Variants in HSPA12A observed in about 807,000 individuals in gnomAD.
The protein encoded by HSPA12A is heat shock protein family A (Hsp70) member 12A.
In HSPA12A, 28 loss-of-function variants were observed where a neutral mutation model predicts 69.2. The observed-to-expected ratio is 0.40, with a 90% CI of 0.30 to 0.55. HSPA12A has a LOEUF of 0.55. Among genes scored for constraint, HSPA12A ranks in the 20% least tolerant of loss-of-function variants. The pLI is 0.38. For missense variants in HSPA12A, 686 were observed against 900.7 expected (o/e 0.76, Z 3.05); for synonymous variants, 345 against 370.5 (o/e 0.93, Z 0.79).
At chr10:116,771,706 C>T (rs896465915) in intron 2 of HSPA12A, among the ~76,000 whole-genome samples, 3 of 152,348 alleles carry the variant, frequency 2.0e-5, no homozygotes, top group Admixed American at 6.5e-5. Flanking sequence ...TGCAGTTTCT[C>T]TCTGCAGTGG....
chr10:116,695,543 G>C (rs551381569), intron 5 of HSPA12A, among the ~76,000 whole-genome samples: 13 of 152,098 alleles, frequency 8.5e-5, no homozygotes, highest in Middle Eastern at 6.8e-3. Flanking sequence ...TTGGCCGGGC[G>C]CGGTGGCTCA....
At chr10:116,831,313 T>C (rs986401381) in intron 2 of HSPA12A, 2 of 152,214 alleles carry the variant, frequency 1.3e-5, no homozygotes, top group Non-Finnish European at 2.9e-5. Flanking sequence ...GTGGAGGTGA[T>C]GACATGGGGT....
At position 116,707,124 on chromosome 10, in the gene HSPA12A, C is replaced by T. The variant is rs111687687; in HGVS notation, c.126+76G>A. On this transcript the variant is annotated intron_variant, in intron 2 of 11. Transcript: ENST00000369209. Reference sequence around the variant, plus strand: ...ACCCAGAATGCAAAGGAAGTCAGTACGCACGTGTGCTCATGCGCACCCATG... The same window carrying T: ...ACCCAGAATGCAAAGGAAGTCAGTATGCACGTGTGCTCATGCGCACCCATG... 9.7e-4 allele frequency: 1,150 copies of T among 1,191,066 alleles called. 11 individuals carry two copies. In the African/African-American group the frequency reaches 0.016, roughly 16 times the overall value. 73.8% of individuals were successfully genotyped at this position (1,191,066 alleles called of 1,614,324 possible).
rs1851548429 is a variant in HSPA12A at position 116,742,538 on chromosome 10, G to C, written c.-69C>G. ...CCCGTGCCCGTGCGGGTCTCTGTCC[G>C]CGTCCGCGGCGGCGCTCGGGCCGTG... On this transcript the variant is annotated 5_prime_UTR_variant, in exon 1 of 12. Coordinates refer to ENST00000369209, the MANE Select transcript of HSPA12A (RefSeq NM_025015.3). The C allele has an allele frequency of 3.4e-6, 4 of 1,188,204 alleles. No individual in the cohort carries two copies. Among genetic ancestry groups the C allele is most frequent in the South Asian group, 3.7e-5 (1 of 26,748 alleles). 73.6% of individuals were successfully genotyped at this position (1,188,204 alleles called of 1,614,324 possible).
chr10:116,797,786 C>T (rs1177721193), intron 2 of HSPA12A, among the ~76,000 whole-genome samples: 1 of 151,842 alleles, frequency 6.6e-6, no homozygotes, highest in African/African-American at 2.4e-5. Flanking sequence ...CATGAACACA[C>T]CACTTGCATT....
In HSPA12A at chr10:116,685,638, G is replaced by GAA. The variant is rs202232720; in HGVS notation, c.664-1678_664-1677dup. 4.6e-3 allele frequency among the ~76,000 whole-genome samples: 368 copies of GAA among 80,120 alleles called. 1 individual carries two copies. Among genetic ancestry groups the GAA allele is most frequent in the African/African-American group, 0.016 (351 of 21,386 alleles). 52.6% of individuals were successfully genotyped at this position (80,120 alleles called of 152,430 possible). A position where few individuals can be genotyped will look rare whatever the true frequency, so the allele number is the denominator to read the frequency against. ...TGACAAGAGTGAAACTCCATCTCAA[G>GAA]AAAAAAAAAAAAAAAAGAATGCAAA... On this transcript the variant is annotated intron_variant, in intron 6 of 11. Coordinates refer to ENST00000369209, the MANE Select transcript of HSPA12A (RefSeq NM_025015.3).
chr10:116,748,930 G>A (rs1554888044), intron 2 of HSPA12A, among the ~76,000 whole-genome samples: 1 of 152,046 alleles, frequency 6.6e-6, no homozygotes, highest in African/African-American at 2.4e-5. Context: ...GTGGGAGCTG[G>A]GACCAGTCAC....
Position 116,675,133 on chromosome 10 carries a change from T to G in HSPA12A, c.1676A>C (p.Asp559Ala). The part of the protein sequence containing the change: ...KHPPEKLLVK[D>A]GTRWCTDVFD... ...GACGTCGGTGCACCACCGAGTGCCA[T>G]CCTTCACCAGCAGCTTCTCAGGCGG... Residue 559 changes from aspartate (D) to alanine (A), a missense_variant, in exon 12 of 12, where the codon GAT (aspartate) becomes GCT (alanine). By Grantham distance (126) the Asp-to-Ala change is moderately radical. Transcript: ENST00000369209. The surrounding 1 kb of genome is among the most constrained non-coding windows in gnomAD (Gnocchi z 5.2). The G allele has an allele frequency of 6.2e-7, 1 of 1,613,948 alleles. No individual in the cohort carries two copies. The highest frequency in any genetic ancestry group is 8.5e-7 in the Non-Finnish European group (1 of 1,180,014).
intron 2 of HSPA12A, among the ~76,000 whole-genome samples, chr10:116,774,505 A>G (rs1379304731): frequency 6.6e-6 from 1 of 152,160 alleles, no homozygotes; most frequent in African/African-American, 2.4e-5. Flanking sequence ...GGTAGGGCCC[A>G]GCAACTGCAC....
At chr10:116,817,086 A>T (rs552901635) in intron 2 of HSPA12A, among the ~76,000 whole-genome samples, 1 of 152,188 alleles carries the variant, frequency 6.6e-6, no homozygotes, top group African/African-American at 2.4e-5. Context: ...TCATTCTTGC[A>T]ACCTATACCC....
At chr10:116,829,484 A>G in intron 2 of HSPA12A, 1 of 152,742 alleles carries the variant, frequency 6.5e-6, no homozygotes, top group Non-Finnish European at 1.5e-5. Flanking sequence ...TGGCAAGACC[A>G]AGAGGAAGGG....
chr10:116,721,548 AAAGT>A (rs1850776789), intron 1 of HSPA12A, among the ~76,000 whole-genome samples: 1 of 152,242 alleles, frequency 6.6e-6, no homozygotes, highest in African/African-American at 2.4e-5. Context: ...ATTTGAACTT[AAAGT>A]AAGTCAATCT....
At chr10:116,701,318 A>C (rs1850071605) in intron 3 of HSPA12A, among the ~76,000 whole-genome samples, 189 bp from the exon 4 acceptor site, 1 of 152,254 alleles carries the variant, frequency 6.6e-6, no homozygotes, top group Non-Finnish European at 1.5e-5. Context: ...GGGCAAGTGC[A>C]AAGTTCTTGG....
chr10:116,742,363 G>A, intron 1 of HSPA12A, 67 bp downstream of exon 1: 4 of 1,399,828 alleles, frequency 2.9e-6, no homozygotes, highest in East Asian at 3.3e-5. Flanking sequence ...CGGAGCGTTG[G>A]GCCAAGCGCG....
At chr10:116,764,427 T>C (rs975797514) in intron 2 of HSPA12A, among the ~76,000 whole-genome samples, 5 of 152,286 alleles carry the variant, frequency 3.3e-5, no homozygotes, top group African/African-American at 1.2e-4. Context: ...GCCCTATCAA[T>C]AGACATGGAG....
At chr10:116,714,792 T>A (rs1373022972) in intron 1 of HSPA12A, among the ~76,000 whole-genome samples, 1 of 152,116 alleles carries the variant, frequency 6.6e-6, no homozygotes, top group Non-Finnish European at 1.5e-5. Flanking sequence ...ACCAAACCTA[T>A]CCACAGGCCT....
At chr10:116,806,034 A>G (rs892173043) in intron 2 of HSPA12A, among the ~76,000 whole-genome samples, 3 of 152,122 alleles carry the variant, frequency 2.0e-5, no homozygotes, top group Non-Finnish European at 4.4e-5. Context: ...TCTGTGATGG[A>G]CTGAAGGCAG....
At chr10:116,845,251 A>G (rs976820422) in intron 1 of HSPA12A, among the ~76,000 whole-genome samples, 8 of 152,184 alleles carry the variant, frequency 5.3e-5, no homozygotes, top group African/African-American at 1.9e-4. Context: ...TATAGTTATT[A>G]TATATAACTA....
At chr10:116,786,922 G>A (rs1172265748) in intron 2 of HSPA12A, among the ~76,000 whole-genome samples, 1 of 151,846 alleles carries the variant, frequency 6.6e-6, no homozygotes, top group African/African-American at 2.4e-5. Context: ...TTACAGGTAG[G>A]AGCCACTGCA....
Sources: gnomAD v4.1 joint callset for allele counts (sites outside exome capture counted in the v4.1 genomes callset) on GRCh38, gnomAD v4.1.1 for gene constraint, Gnocchi (gnomAD v3.1) non-coding constraint, MANE v1.5 for transcripts, NCBI Gene and HGNC (gene_info 2026-07-23, HGNC 2026-07-21) for gene names.